The following PALLD variants were observed in gnomAD, a reference collection of about 807,000 sequenced individuals.
The protein encoded by PALLD is palladin.
PALLD carries 61 observed loss-of-function variants against 123.5 expected under a neutral mutation model. The ratio of observed to expected loss-of-function variants is 0.49; its 90% confidence interval spans 0.40 to 0.61. The LOEUF (loss-of-function observed/expected upper bound fraction) is 0.61. PALLD is among the 20% of genes least tolerant of loss of function. The pLI, the probability that PALLD is intolerant of heterozygous loss-of-function variation, is 0.00. For synonymous variants in PALLD, 465 were observed against 496.4 expected (o/e 0.94, Z 0.84); for missense variants, 1,273 against 1,377.0 (o/e 0.92, Z 1.20).
At chr4:168,868,685 T>C (rs1750671304) in intron 10 of PALLD, among the ~76,000 whole-genome samples, 1 of 152,242 alleles carries the variant, frequency 6.6e-6, no homozygotes, top group Non-Finnish European at 1.5e-5. Flanking sequence ...AATGCGGCCT[T>C]GTTAGAAACA....
intron 8 of PALLD, among the ~76,000 whole-genome samples, chr4:168,699,354 C>T (rs1188457142): frequency 6.6e-6 from 1 of 152,170 alleles, no homozygotes; most frequent in African/African-American, 2.4e-5. Context: ...GCTAGGATTA[C>T]AGGCGTGAGT....
At chr4:168,756,794 C>T (rs1731952597) in intron 10 of PALLD, among the ~76,000 whole-genome samples, 1 of 152,114 alleles carries the variant, frequency 6.6e-6, no homozygotes, top group Non-Finnish European at 1.5e-5. Context: ...TGAGAGTCAC[C>T]ACAGGAGAAA....
chr4:168,858,781 C>T (rs1748991641), intron 10 of PALLD, among the ~76,000 whole-genome samples: 1 of 114,318 alleles, frequency 8.7e-6, no homozygotes, highest in African/African-American at 2.7e-5. Flanking sequence ...GACCCAGTCT[C>T]AAAAAAAATA....
intron 2 of PALLD, among the ~76,000 whole-genome samples, chr4:168,541,430 A>G (rs1460373453): frequency 6.6e-6 from 1 of 151,738 alleles, no homozygotes. Flanking sequence ...TATTTATTTT[A>G]CACTCTCACT....
intron 2 of PALLD, among the ~76,000 whole-genome samples, chr4:168,548,601 A>G (rs1766414983): frequency 1.3e-5 from 2 of 152,168 alleles, no homozygotes; most frequent in African/African-American, 4.8e-5. Context: ...GGGCCTGGGC[A>G]TTATCAGGGA....
intron 10 of PALLD, among the ~76,000 whole-genome samples, chr4:168,879,578 T>TA (rs1235801141): frequency 2.6e-5 from 4 of 152,228 alleles, no homozygotes; most frequent in Non-Finnish European, 4.4e-5. Context: ...TAGGATACAC[T>TA]AATGCCACCT....
intron 3 of PALLD, among the ~76,000 whole-genome samples, chr4:168,671,639 A>C (rs1386730276): frequency 6.6e-6 from 1 of 152,240 alleles, no homozygotes; most frequent in Non-Finnish European, 1.5e-5. Flanking sequence ...TTTTTTAAAA[A>C]ACAAAAGATT....
At chr4:168,796,160 T>C (rs6553115) in intron 10 of PALLD, among the ~76,000 whole-genome samples, 1 of 152,182 alleles carries the variant, frequency 6.6e-6, no homozygotes, top group African/African-American at 2.4e-5. Context: ...TTCTATTTTT[T>C]TGTACCCATC....
At chr4:168,892,725 CTTTT>C (rs1371923887) in intron 11 of PALLD, among the ~76,000 whole-genome samples, 1 of 144,858 alleles carries the variant, frequency 6.9e-6, no homozygotes, top group African/African-American at 2.5e-5. Context: ...ATCACTCCAG[CTTTT>C]TTTTTTTTCT....
chr4:168,704,730 T>C (rs906633586), intron 8 of PALLD, among the ~76,000 whole-genome samples: 10 of 151,510 alleles, frequency 6.6e-5, no homozygotes, highest in African/African-American at 2.4e-4. Flanking sequence ...AAATAAAAAT[T>C]TTTAAATGGT....
Position 168,511,932 on chromosome 4 carries a change from G to A in PALLD, c.428G>A (p.Arg143His), listed in dbSNP as rs149345491. The change falls in exon 2 of 22, where the codon CGT becomes CAT. Residue 143 changes from arginine to histidine, a missense_variant. Around this residue, in one of 2 missense-constraint regions of PALLD, gnomAD observed 944 missense variants for 954.5 expected, o/e 0.99. Coordinates refer to ENST00000505667, the MANE Select transcript of PALLD (RefSeq NM_001166108.2). ...CGGAGCCTCCGAAAGGCTGAAAAGC[G>A]TGGTGCAAAAACTCCCAGCACAAAC... ...YIRSLRKAEK[R>H]GAKTPSTNVK... 9.4e-5 allele frequency: 151 copies of A among 1,614,166 alleles called. No homozygotes were observed. The highest frequency in any genetic ancestry group is 1.8e-4 in the East Asian group (8 of 44,870).
chr4:168,913,608 T>G (rs183389650), intron 15 of PALLD, among the ~76,000 whole-genome samples: 1 of 152,060 alleles, frequency 6.6e-6, no homozygotes. Flanking sequence ...TTCAACATCA[T>G]GTGTTACGGA....
intron 10 of PALLD, among the ~76,000 whole-genome samples, chr4:168,881,663 T>G (rs1338485888): frequency 6.6e-6 from 1 of 152,022 alleles, no homozygotes; most frequent in Non-Finnish European, 1.5e-5. Context: ...ATACAAATAT[T>G]AAGTTGACAA....
At chr4:168,716,409 C>A (rs540250671) in intron 10 of PALLD, among the ~76,000 whole-genome samples, 2 of 152,310 alleles carry the variant, frequency 1.3e-5, no homozygotes, top group East Asian at 3.9e-4. Context: ...TGTTTACATG[C>A]TAAATCAACA....
chr4:168,555,000 T>G (rs987486138), intron 2 of PALLD, among the ~76,000 whole-genome samples: 2 of 152,206 alleles, frequency 1.3e-5, no homozygotes, highest in African/African-American at 4.8e-5. Context: ...TAATTTTGAG[T>G]GATTTTTTGT....
Position 168,889,160 on chromosome 4 carries a change from GT to G in PALLD, c.1965-1761del, listed in dbSNP as rs1338489854. Among the ~76,000 whole-genome samples, 592 of 147,696 alleles carry G rather than the reference GT, an allele frequency of 4.0e-3. 4 individuals carry two copies. The highest frequency in any genetic ancestry group is 5.1e-3 in the Admixed American group (77 of 14,974). On this transcript the variant is annotated intron_variant, in intron 10 of 21. Transcript: ENST00000505667. ...ATTTTGTGTGTGTGTGTGTGTGTGT[GT>G]GTGTGGTTTTTTTTTTTTTTTAGAC...
chr4:168,683,613 T>G (rs556818583), intron 5 of PALLD, among the ~76,000 whole-genome samples: 1 of 152,254 alleles, frequency 6.6e-6, no homozygotes, highest in African/African-American at 2.4e-5. Context: ...AACAATAATA[T>G]AAACTACTGG....
At chr4:168,867,125 C>T (rs1037327196) in intron 10 of PALLD, among the ~76,000 whole-genome samples, 4 of 152,184 alleles carry the variant, frequency 2.6e-5, no homozygotes, top group African/African-American at 7.2e-5. Flanking sequence ...TATCTTTGTG[C>T]CTCAATTTCT....
chr4:168,585,390 G>A (rs1770709823), intron 2 of PALLD, among the ~76,000 whole-genome samples: 3 of 152,046 alleles, frequency 2.0e-5, no homozygotes, highest in Admixed American at 1.3e-4. Context: ...CATAGATGAG[G>A]TGTAACTAAC....
Sources: gnomAD v4.1 joint callset for allele counts (sites outside exome capture counted in the v4.1 genomes callset) on GRCh38, gnomAD v4.1.1 for gene constraint, gnomAD v4.1.1 regional missense constraint, MANE v1.5 for transcripts, NCBI Gene and HGNC (gene_info 2026-07-23, HGNC 2026-07-21) for gene names.